The following KCNMB2 variants were observed in gnomAD, a reference collection of about 807,000 sequenced individuals.
KCNMB2 encodes the protein potassium calcium-activated channel subfamily M regulatory beta subunit 2.
KCNMB2 carries 9 observed loss-of-function variants against 24.5 expected under a neutral mutation model. The ratio of observed to expected loss-of-function variants is 0.37; its 90% CI spans 0.22 to 0.64. The LOEUF is 0.64. Among genes scored for constraint, KCNMB2 ranks in the 30% least tolerant of loss-of-function variants. The pLI is 0.63. For missense variants in KCNMB2, 226 were observed against 284.3 expected (o/e 0.79, Z 1.47); for synonymous variants, 109 against 104.4 (o/e 1.04, Z -0.27).
At chr3:178,624,709 G>A (rs985498849) in intron 1 of KCNMB2, among the ~76,000 whole-genome samples, 15 of 147,684 alleles carry the variant, frequency 1.0e-4, no homozygotes, top group African/African-American at 3.5e-4. Context: ...GTAGTTAAAT[G>A]TGCAAACTCA....
chr3:178,614,250 T>TATATAC (rs1718603626), intron 1 of KCNMB2, among the ~76,000 whole-genome samples: 4 of 15,012 alleles, frequency 2.7e-4, no homozygotes, highest in Non-Finnish European at 4.4e-4. Flanking sequence ...GCTAATTTTA[T>TATATAC]ATATATATAT....
chr3:178,781,545 T>C (rs551600912), intron 1 of KCNMB2, among the ~76,000 whole-genome samples: 9 of 152,150 alleles, frequency 5.9e-5, no homozygotes, highest in East Asian at 3.9e-4. Context: ...TAAGCCAAGA[T>C]TGTGCCACTG....
At chr3:178,732,512 TG>T (rs2108368679) in intron 1 of KCNMB2, among the ~76,000 whole-genome samples, 1 of 152,292 alleles carries the variant, frequency 6.6e-6, no homozygotes, top group South Asian at 2.1e-4. Context: ...GTCACATTTT[TG>T]TGGGTTTTGT....
intron 1 of KCNMB2, among the ~76,000 whole-genome samples, chr3:178,564,626 T>G (rs1041750961): frequency 5.9e-5 from 9 of 152,084 alleles, no homozygotes; most frequent in Admixed American, 4.6e-4. Flanking sequence ...ATATTAATCT[T>G]GAGAAAAAAA....
chr3:178,839,160 T>A (rs1320616951), intron 4 of KCNMB2, among the ~76,000 whole-genome samples: 1 of 145,850 alleles, frequency 6.9e-6, no homozygotes, highest in African/African-American at 2.6e-5. Context: ...CCCAGAAAAG[T>A]GATTTAAATC....
intron 1 of KCNMB2, among the ~76,000 whole-genome samples, chr3:178,725,887 T>A (rs1166680138): frequency 6.6e-6 from 1 of 151,956 alleles, no homozygotes; most frequent in Non-Finnish European, 1.5e-5. Context: ...TTTTAATCCA[T>A]CTATCCTAAC....
At chr3:178,712,719 A>T (rs933640127) in intron 1 of KCNMB2, among the ~76,000 whole-genome samples, 1 of 152,192 alleles carries the variant, frequency 6.6e-6, no homozygotes, top group Admixed American at 6.5e-5. Flanking sequence ...CACGTGATAA[A>T]TATCAGAGCC....
intron 1 of KCNMB2, among the ~76,000 whole-genome samples, chr3:178,693,579 T>C (rs754778200): frequency 1.2e-4 from 18 of 152,228 alleles, no homozygotes; most frequent in Non-Finnish European, 2.4e-4. Flanking sequence ...TGAACCAACC[T>C]TGCATCCCAG....
intron 1 of KCNMB2, among the ~76,000 whole-genome samples, chr3:178,742,608 A>T (rs888011841): frequency 1.3e-5 from 2 of 152,222 alleles, no homozygotes; most frequent in Admixed American, 6.5e-5. Flanking sequence ...TGGTATAATT[A>T]ACACCTCAGT....
intron 1 of KCNMB2, among the ~76,000 whole-genome samples, chr3:178,741,178 C>T (rs116381265): frequency 2.5e-4 from 38 of 152,254 alleles, no homozygotes; most frequent in African/African-American, 8.9e-4. Context: ...GATGAACACA[C>T]CTGTGTTTGA....
chr3:178,654,567 T>C (rs1720252140), intron 1 of KCNMB2, among the ~76,000 whole-genome samples: 2 of 152,158 alleles, frequency 1.3e-5, no homozygotes, highest in South Asian at 4.1e-4. Context: ...AAACTGACAA[T>C]TTATACTTTT....
chr3:178,761,657 TAA>T lies in KCNMB2; in HGVS notation c.-67-45683_-67-45682del, dbSNP rs147102779. Among the ~76,000 whole-genome samples the T allele has an allele frequency of 8.8e-3, 1,339 of 152,244 alleles. 21 individuals carry two copies. Among genetic ancestry groups the T allele is most frequent in the African/African-American group, 0.03 (1,255 of 41,534 alleles). On this transcript the variant is annotated intron_variant, in intron 1 of 4. Transcript: ENST00000452583. Reference sequence around the variant, plus strand: ...AAGAGTAGAAAGTGTTATACCACAGTAAAAGAGTCCTTTATGTTCATGCACTA... The same window carrying T: ...AAGAGTAGAAAGTGTTATACCACAGTAAGAGTCCTTTATGTTCATGCACTA...
intron 2 of KCNMB2, among the ~76,000 whole-genome samples, chr3:178,816,582 C>A (rs1013155655): frequency 6.6e-6 from 1 of 151,996 alleles, no homozygotes; most frequent in Non-Finnish European, 1.5e-5. Flanking sequence ...AATCTTCAGG[C>A]TTTCTTCTTA....
chr3:178,787,828 A>G (rs1713168027), intron 1 of KCNMB2, among the ~76,000 whole-genome samples: 1 of 152,164 alleles, frequency 6.6e-6, no homozygotes, highest in African/African-American at 2.4e-5. Context: ...TTCAAAACCA[A>G]TGAGAGAACG....
chr3:178,835,246 A>T (rs1715183569), intron 4 of KCNMB2, among the ~76,000 whole-genome samples: 1 of 152,078 alleles, frequency 6.6e-6, no homozygotes, highest in Non-Finnish European at 1.5e-5. Context: ...AGTCATGCAT[A>T]GCAGTGTGAA....
chr3:178,666,947 C>T (rs1028845224), intron 1 of KCNMB2, among the ~76,000 whole-genome samples: 4 of 152,158 alleles, frequency 2.6e-5, no homozygotes, highest in South Asian at 4.1e-4. Context: ...AGTATTTGCA[C>T]ATAACCTACA....
intron 1 of KCNMB2, among the ~76,000 whole-genome samples, chr3:178,777,457 T>C (rs966596269): frequency 3.9e-5 from 6 of 152,088 alleles, no homozygotes; most frequent in African/African-American, 1.4e-4. Flanking sequence ...TCAGAAATGT[T>C]GGCAAGACAT....
intron 4 of KCNMB2, among the ~76,000 whole-genome samples, chr3:178,836,987 C>T (rs554683077): frequency 6.6e-6 from 1 of 152,172 alleles, no homozygotes; most frequent in Non-Finnish European, 1.5e-5. Context: ...TAAATCTTCA[C>T]TCTAAATTCA....
intron 1 of KCNMB2, among the ~76,000 whole-genome samples, chr3:178,614,039 T>A (rs1286924678): frequency 6.6e-6 from 1 of 151,004 alleles, no homozygotes; most frequent in Non-Finnish European, 1.5e-5. Context: ...AAATAGTCTT[T>A]CTTCAGGCTC....
Sources: allele counts gnomAD v4.1 joint callset (sites outside exome capture counted in the v4.1 genomes callset), GRCh38; gene constraint gnomAD v4.1.1; transcripts MANE v1.5; gene names NCBI Gene and HGNC (gene_info 2026-07-23, HGNC 2026-07-21).